The following DLG2 variants were observed in gnomAD, a reference collection of about 807,000 sequenced individuals.
The protein encoded by DLG2 is disks large homolog 2.
In DLG2, 45 loss-of-function variants were observed where a neutral mutation model predicts 132.5. The ratio of observed to expected loss-of-function variants is 0.34; its 90% CI spans 0.27 to 0.44. The LOEUF is 0.44. Ranked by LOEUF, DLG2 falls within the 20% of genes least tolerant of loss-of-function variation. The probability of loss-of-function intolerance (pLI) is 1.00; values close to 1 mark genes in which losing one functional copy is unlikely to be tolerated. For missense variants in DLG2, 1,045 were observed against 1,196.9 expected (o/e 0.87, Z 1.87); for synonymous variants, 424 against 419.6 (o/e 1.01, Z -0.13).
At chr11:85,037,461 T>C (rs1194098122) in intron 6 of DLG2, among the ~76,000 whole-genome samples, 1 of 152,188 alleles carries the variant, frequency 6.6e-6, no homozygotes, top group African/African-American at 2.4e-5. Context: ...GGAGTAGACA[T>C]TGTTGAATGC....
At chr11:84,251,637 C>CTT (rs369651884) in intron 7 of DLG2, among the ~76,000 whole-genome samples, 1,358 of 129,998 alleles carry the variant, frequency 0.01, 97 homozygotes, top group African/African-American at 0.021. Flanking sequence ...TGTATCTTTT[C>CTT]TTTCTTTTTT....
chr11:85,140,122 T>C (rs545494861), intron 5 of DLG2, among the ~76,000 whole-genome samples: 1 of 152,158 alleles, frequency 6.6e-6, no homozygotes, highest in Admixed American at 6.6e-5. Flanking sequence ...GCAAAGGTCA[T>C]ACGAGTGCAA....
At chr11:83,724,472 T>TGAGAGAGAGAGA (rs1384949474) in intron 18 of DLG2, among the ~76,000 whole-genome samples, 282 of 97,508 alleles carry the variant, frequency 2.9e-3, no homozygotes, top group Non-Finnish European at 4.8e-3. Context: ...TGTGTGTGTG[T>TGAGAGAGAGAGA]GTGTGAGAGA....
chr11:84,803,925 T>G (rs376200198), intron 6 of DLG2, among the ~76,000 whole-genome samples: 1 of 152,218 alleles, frequency 6.6e-6, no homozygotes, highest in Non-Finnish European at 1.5e-5. Flanking sequence ...CAGAGCCTGA[T>G]AGATAACTAA....
chr11:84,978,074 G>C (rs994898785), intron 6 of DLG2, among the ~76,000 whole-genome samples: 1 of 152,100 alleles, frequency 6.6e-6, no homozygotes, highest in African/African-American at 2.4e-5. Context: ...GTCTTGAAGG[G>C]GAAGGGGAAA....
chr11:83,929,365 C>T (rs376444159), intron 15 of DLG2, among the ~76,000 whole-genome samples: 1 of 152,128 alleles, frequency 6.6e-6, no homozygotes, highest in African/African-American at 2.4e-5. Context: ...TATAGACACC[C>T]CATTCTGTGT....
At chr11:83,550,189 G>T (rs1419280634) in intron 19 of DLG2, among the ~76,000 whole-genome samples, 1 of 152,174 alleles carries the variant, frequency 6.6e-6, no homozygotes, top group Non-Finnish European at 1.5e-5. Flanking sequence ...TCACTGTCAT[G>T]ACTGCAGATA....
intron 6 of DLG2, among the ~76,000 whole-genome samples, chr11:84,913,517 A>T (rs1294100592): frequency 6.6e-6 from 1 of 152,194 alleles, no homozygotes; most frequent in Non-Finnish European, 1.5e-5. Context: ...GAGAATAAAA[A>T]AGCTTCCCTA....
chr11:84,005,726 A>T (rs2094543607), intron 11 of DLG2, among the ~76,000 whole-genome samples: 1 of 151,910 alleles, frequency 6.6e-6, no homozygotes, highest in Non-Finnish European at 1.5e-5. Flanking sequence ...AAGATGCTCA[A>T]GATCATTAAT....
intron 7 of DLG2, among the ~76,000 whole-genome samples, chr11:84,346,876 T>A (rs1273327434): frequency 1.3e-5 from 2 of 152,164 alleles, no homozygotes. Context: ...TATTGAAAAT[T>A]TGGGTTTCAC....
chr11:83,941,767 A>G (rs1284791836), intron 14 of DLG2, among the ~76,000 whole-genome samples: 1 of 152,222 alleles, frequency 6.6e-6, no homozygotes, highest in Non-Finnish European at 1.5e-5. Flanking sequence ...CTCTATTTAT[A>G]TCTATCCCCA....
At chr11:85,611,341 T>A (rs2080985953) in intron 2 of DLG2, among the ~76,000 whole-genome samples, 1 of 152,214 alleles carries the variant, frequency 6.6e-6, no homozygotes, top group Non-Finnish European at 1.5e-5. Context: ...ACTGCCTACT[T>A]AGATACCAGG....
At chr11:84,385,550 T>C (rs2098766431) in intron 7 of DLG2, among the ~76,000 whole-genome samples, 1 of 152,092 alleles carries the variant, frequency 6.6e-6, no homozygotes, top group African/African-American at 2.4e-5. Flanking sequence ...GCCAAATAAA[T>C]AGTATGCATA....
intron 9 of DLG2, among the ~76,000 whole-genome samples, chr11:84,124,375 A>T (rs1344422119): frequency 2.0e-5 from 3 of 152,250 alleles, no homozygotes. Flanking sequence ...AGGTTGTAAG[A>T]TCCAGAAATT....
intron 18 of DLG2, among the ~76,000 whole-genome samples, chr11:83,766,299 T>C (rs2094141416): frequency 2.0e-5 from 3 of 152,048 alleles, no homozygotes; most frequent in African/African-American, 7.2e-5. Flanking sequence ...TTCACCATGT[T>C]AGCCAGGATG....
intron 10 of DLG2, among the ~76,000 whole-genome samples, chr11:84,072,753 T>C (rs1354889467): frequency 6.6e-6 from 1 of 152,192 alleles, no homozygotes; most frequent in Non-Finnish European, 1.5e-5. Flanking sequence ...AGAATAATTC[T>C]CCAGGTACAA....
intron 19 of DLG2, among the ~76,000 whole-genome samples, chr11:83,554,688 T>C (rs2142272698): frequency 6.6e-6 from 1 of 152,308 alleles, no homozygotes; most frequent in East Asian, 1.9e-4. Context: ...ATAAATACTA[T>C]GGGAGCTTGG....
At chr11:84,816,162 G>T (rs771004151) in intron 6 of DLG2, among the ~76,000 whole-genome samples, 1 of 151,954 alleles carries the variant, frequency 6.6e-6, no homozygotes, top group Admixed American at 6.6e-5. Flanking sequence ...TGCTCCATAC[G>T]TTTTCTGCCA....
intron 4 of DLG2, among the ~76,000 whole-genome samples, chr11:85,266,512 A>G (rs1385313812): frequency 3.3e-5 from 5 of 152,164 alleles, no homozygotes; most frequent in African/African-American, 1.2e-4. Flanking sequence ...TAATGTAGAT[A>G]TCAGGTTGAT....
Sources: gnomAD v4.1 joint callset for allele counts (sites outside exome capture counted in the v4.1 genomes callset) on GRCh38, gnomAD v4.1.1 for gene constraint, MANE v1.5 for transcripts, NCBI Gene and HGNC (gene_info 2026-07-23, HGNC 2026-07-21) for gene names.